TMEM74: variants seen among roughly 807,000 people sequenced by gnomAD.
The protein encoded by TMEM74 is transmembrane protein 74.
TMEM74 carries 13 observed loss-of-function variants against 18.1 expected under a neutral mutation model. The observed-to-expected ratio is 0.72, with a 90% CI of 0.47 to 1.14. The LOEUF is 1.14. TMEM74 is among the 50% of genes most tolerant of loss of function. The pLI, the probability that TMEM74 is intolerant of heterozygous loss-of-function variation, is 0.00. For synonymous variants in TMEM74, 159 were observed against 146.6 expected (o/e 1.08, Z -0.61); for missense variants, 372 against 375.9 (o/e 0.99, Z 0.09).
chr8:108,624,912 C>A (rs1427573322), intron 2 of TMEM74, among the ~76,000 whole-genome samples: 2 of 151,824 alleles, frequency 1.3e-5, no homozygotes, highest in Non-Finnish European at 2.9e-5. Flanking sequence ...TTTAAAGTAC[C>A]AGAAAAAGAT....
intron 1 of TMEM74, among the ~76,000 whole-genome samples, chr8:108,740,894 A>G (rs1170531362): frequency 6.6e-6 from 1 of 152,258 alleles, no homozygotes; most frequent in African/African-American, 2.4e-5. Context: ...AATAGTTCAC[A>G]GTGTCATTGT....
intron 1 of TMEM74, among the ~76,000 whole-genome samples, chr8:108,692,857 A>G (rs1397701689): frequency 6.6e-6 from 1 of 152,224 alleles, no homozygotes; most frequent in Non-Finnish European, 1.5e-5. Flanking sequence ...TTAATATTGC[A>G]TCTCCAATCT....
exon 4 of TMEM74, chr8:108,607,396 T>C (rs922148454): frequency 6.6e-6 from 1 of 152,184 alleles, no homozygotes; most frequent in Non-Finnish European, 1.5e-5. Flanking sequence ...ATGTCTAAAA[T>C]GAATAAACCA....
chr8:108,715,736 T>C (rs1344116889), intron 1 of TMEM74, among the ~76,000 whole-genome samples: 1 of 152,028 alleles, frequency 6.6e-6, no homozygotes, highest in Non-Finnish European at 1.5e-5. Context: ...GGCAAAGATA[T>C]ATATAATAAA....
At chr8:108,756,465 T>C (rs1275279398) in intron 1 of TMEM74, among the ~76,000 whole-genome samples, 3 of 150,390 alleles carry the variant, frequency 2.0e-5, no homozygotes, top group Non-Finnish European at 4.4e-5. Flanking sequence ...TAGCTCACCT[T>C]AGGTCAAATC....
intron 2 of TMEM74, among the ~76,000 whole-genome samples, chr8:108,633,375 G>C (rs549951044): frequency 6.0e-4 from 92 of 152,086 alleles, no homozygotes; most frequent in African/African-American, 2.1e-3. Context: ...TCTCTGATTA[G>C]GCTAAGCATC....
At chr8:108,680,423 T>C (rs1411006187) in intron 1 of TMEM74, among the ~76,000 whole-genome samples, 1 of 152,196 alleles carries the variant, frequency 6.6e-6, no homozygotes, top group Non-Finnish European at 1.5e-5. Flanking sequence ...AACCACATGA[T>C]TATCTCAATA....
At position 108,782,968 on chromosome 8, in the gene TMEM74, C is replaced by T. The variant is rs146700207; in HGVS notation, c.*1213G>A. Among the ~76,000 whole-genome samples the T allele has an allele frequency of 1.9e-3, 292 of 152,342 alleles. No homozygotes were observed. The highest frequency in any genetic ancestry group is 6.7e-3 in the African/African-American group (280 of 41,574). On this transcript the variant is annotated 3_prime_UTR_variant, in exon 2 of 2. Transcript: ENST00000297459. ...TGAGCACCTTGCTCATCATGCTGCT[C>T]TTAGAGAAGAGTTTGTGCTGCATGA...
At chr8:108,690,770 G>T (rs1010992423) in intron 1 of TMEM74, among the ~76,000 whole-genome samples, 6 of 152,102 alleles carry the variant, frequency 3.9e-5, no homozygotes, top group Non-Finnish European at 7.4e-5. Context: ...GCAGTGAGCT[G>T]AGATTGTGCC....
At chr8:108,719,200 G>A (rs1813560505) in intron 1 of TMEM74, among the ~76,000 whole-genome samples, 1 of 151,956 alleles carries the variant, frequency 6.6e-6, no homozygotes, top group South Asian at 2.1e-4. Flanking sequence ...GATTAAATTG[G>A]GGAGACGCAT....
chr8:108,724,702 T>C (rs1813616654), intron 1 of TMEM74, among the ~76,000 whole-genome samples: 1 of 152,174 alleles, frequency 6.6e-6, no homozygotes. Context: ...AGCACCTCAC[T>C]ATGCATATCC....
At chr8:108,674,765 C>T (rs1257145031) in intron 1 of TMEM74, among the ~76,000 whole-genome samples, 2 of 152,188 alleles carry the variant, frequency 1.3e-5, no homozygotes, top group Non-Finnish European at 2.9e-5. Flanking sequence ...AATGGCACCA[C>T]TCACATTGTC....
chr8:108,730,634 C>CTTTTTTTT lies in TMEM74; in HGVS notation n.119+56834_119+56841dup, dbSNP rs1199122765. ...TTAGCTTTAAATGTATGCAGACTTC[C>CTTTTTTTT]TTTTTTTTTTTTTTTTTGTGACGGA... On this transcript the variant is annotated intron_variant and non_coding_transcript_variant, in intron 1 of 3. Coordinates refer to the TMEM74 transcript ENST00000518838. Among the ~76,000 whole-genome samples the CTTTTTTTT allele has an allele frequency of 1.7e-3, 220 of 132,154 alleles. 8 individuals are homozygous for CTTTTTTTT. Among genetic ancestry groups the CTTTTTTTT allele is most frequent in the African/African-American group, 6.2e-3 (202 of 32,646 alleles). 86.7% of individuals were successfully genotyped at this position (132,154 alleles called of 152,430 possible). A position where few individuals can be genotyped will look rare whatever the true frequency, so the allele number is the denominator to read the frequency against.
intron 2 of TMEM74, among the ~76,000 whole-genome samples, chr8:108,614,317 C>T (rs1044964531): frequency 3.2e-4 from 49 of 152,126 alleles, no homozygotes; most frequent in African/African-American, 1.2e-3. Context: ...TCAATATTTT[C>T]TTCTTATATC....
intron 1 of TMEM74, among the ~76,000 whole-genome samples, chr8:108,664,347 G>T (rs1295919632): frequency 6.6e-6 from 1 of 151,936 alleles, no homozygotes; most frequent in Non-Finnish European, 1.5e-5. Context: ...TCACCTCTCT[G>T]GTTAGCTGTA....
intron 2 of TMEM74, among the ~76,000 whole-genome samples, chr8:108,628,249 T>C (rs1005495743): frequency 3.9e-5 from 6 of 152,138 alleles, no homozygotes; most frequent in African/African-American, 1.2e-4. Flanking sequence ...TATCTCAAAC[T>C]AATTTATCAC....
Position 108,782,434 on chromosome 8 carries a change from T to C in TMEM74, c.*1747A>G, listed in dbSNP as rs1315668514. ...CTGATGGCCATATAATTTCTCATTT[T>C]TACTTAATAATTCTTTCATATGCCC... On this transcript the variant is annotated 3_prime_UTR_variant, in exon 2 of 2. Transcript: ENST00000297459. 6.6e-6 allele frequency among the ~76,000 whole-genome samples: 1 copy of C among 152,202 alleles called. No individual in the cohort carries two copies. Among genetic ancestry groups the C allele is most frequent in the Non-Finnish European group, 1.5e-5 (1 of 68,030 alleles).
intron 1 of TMEM74, among the ~76,000 whole-genome samples, chr8:108,710,751 C>A (rs1338120651): frequency 6.6e-6 from 1 of 152,144 alleles, no homozygotes; most frequent in Non-Finnish European, 1.5e-5. Context: ...TATGAGCGAG[C>A]GGAGCTGTGT....
At chr8:108,718,951 T>A (rs1404053648) in intron 1 of TMEM74, among the ~76,000 whole-genome samples, 1 of 140,682 alleles carries the variant, frequency 7.1e-6, no homozygotes, top group African/African-American at 2.7e-5. Flanking sequence ...AGATAGCTAG[T>A]TAATAACATT....
Sources: allele counts gnomAD v4.1 joint callset (sites outside exome capture counted in the v4.1 genomes callset), GRCh38; gene constraint gnomAD v4.1.1; transcripts MANE v1.5; gene names NCBI Gene and HGNC (gene_info 2026-07-23, HGNC 2026-07-21).